STK3: variants seen among roughly 807,000 people sequenced by gnomAD.
The protein encoded by STK3 is serine/threonine kinase 3, also known as serine/threonine-protein kinase 3.
STK3 carries 41 observed loss-of-function variants against 58.0 expected under a neutral mutation model. The observed-to-expected ratio is 0.71, with a 90% confidence interval of 0.55 to 0.92. The LOEUF (loss-of-function observed/expected upper bound fraction) is 0.92. Ranked by LOEUF, STK3 falls within the 40% of genes least tolerant of loss-of-function variation. STK3 has a pLI of 0.00. For synonymous variants in STK3, 170 were observed against 191.0 expected (o/e 0.89, Z 0.91); for missense variants, 479 against 602.7 (o/e 0.79, Z 2.15).
chr8:98,367,267 G>T (rs1025193079), downstream of STK3, among the ~76,000 whole-genome samples: 3 of 152,222 alleles, frequency 2.0e-5, no homozygotes, highest in Admixed American at 6.5e-5. Flanking sequence ...GTTGCTAAAA[G>T]TTTTCTTAAA....
intron 10 of STK3, among the ~76,000 whole-genome samples, chr8:98,456,569 A>G (rs11774795): frequency 0.015 from 2,345 of 152,328 alleles, 28 homozygotes; most frequent in Non-Finnish European, 0.024. Flanking sequence ...GCCATGATCA[A>G]TTCTGGAGTA....
intron 1 of STK3, among the ~76,000 whole-genome samples, chr8:98,776,646 A>C (rs1184001449): frequency 6.6e-6 from 1 of 152,190 alleles, no homozygotes; most frequent in East Asian, 1.9e-4. Flanking sequence ...GGAACACAGT[A>C]TCTAAAGACA....
intron 1 of STK3, among the ~76,000 whole-genome samples, chr8:98,887,392 C>T (rs190582104): frequency 9.2e-5 from 14 of 152,002 alleles, no homozygotes; most frequent in Middle Eastern, 3.4e-3. Context: ...TGAAAAAATC[C>T]GAAAAAATCC....
chr8:98,418,019 C>T (rs1243334209), intron 3 of STK3, among the ~76,000 whole-genome samples: 1 of 152,158 alleles, frequency 6.6e-6, no homozygotes, highest in Non-Finnish European at 1.5e-5. Context: ...AAGCAATCCT[C>T]CTGCCTCAGG....
chr8:98,798,280 T>C (rs187632621), intron 1 of STK3, among the ~76,000 whole-genome samples: 94 of 152,328 alleles, frequency 6.2e-4, no homozygotes, highest in African/African-American at 2.2e-3. Context: ...ACGAGAATTT[T>C]CTATATTTCT....
chr8:98,547,285 A>G (rs990567229), intron 9 of STK3, among the ~76,000 whole-genome samples: 3 of 152,186 alleles, frequency 2.0e-5, no homozygotes, highest in African/African-American at 7.2e-5. Flanking sequence ...TGAAATCACA[A>G]TGACCTACGA....
chr8:98,443,223 CA>C (rs1818762812), intron 1 of STK3, among the ~76,000 whole-genome samples: 1 of 152,184 alleles, frequency 6.6e-6, no homozygotes, highest in African/African-American at 2.4e-5. Flanking sequence ...TCAGGAAATA[CA>C]GCAGTATTTG....
intron 1 of STK3, among the ~76,000 whole-genome samples, chr8:98,793,535 C>T (rs1411307891): frequency 6.6e-6 from 1 of 152,014 alleles, no homozygotes. Context: ...TCAAAACAAA[C>T]AAGCAAACAA....
chr8:98,905,030 G>GT lies in STK3; in HGVS notation c.-78-21197dup. On this transcript the variant is annotated intron_variant, in intron 1 of 1. Coordinates refer to the STK3 transcript ENST00000519420. ...AGTGGAGTGCTGCATATGCATCGTT[G>GT]TAATACCTGGATTCCCCATAGCCCA... The GT allele has an allele frequency of 1.5e-5, 13 of 876,132 alleles. No individual in the cohort carries two copies. In the South Asian group the frequency reaches 1.7e-4, roughly 11 times the overall value. The allele number at this position is 876,132 out of a possible 1,614,324, so 54.3% of individuals were successfully genotyped here.
chr8:98,360,506 A>C, the STK3 span, among the ~76,000 whole-genome samples: 1 of 148,572 alleles, frequency 6.7e-6, no homozygotes, highest in Non-Finnish European at 1.5e-5. Context: ...TTTTTGAGCC[A>C]ATTTCTTTCT....
the STK3 span, among the ~76,000 whole-genome samples, chr8:98,359,344 T>TAAAAAAA: frequency 1.1e-4 from 6 of 55,718 alleles, no homozygotes; most frequent in Admixed American, 2.0e-4. Context: ...CCATCTCAAC[T>TAAAAAAA]AAAAAAAAAA....
At chr8:98,612,384 CAT>C (rs549252617) in intron 6 of STK3, among the ~76,000 whole-genome samples, 1,542 of 147,272 alleles carry the variant, frequency 0.01, 19 homozygotes, top group African/African-American at 0.033. Context: ...TGTTTCTAAA[CAT>C]ATATATATAT....
chr8:98,866,917 A>G (rs1380106369), intron 3 of STK3, among the ~76,000 whole-genome samples: 3 of 152,052 alleles, frequency 2.0e-5, no homozygotes, highest in Non-Finnish European at 4.4e-5. Flanking sequence ...AGAATTTTGG[A>G]CTTAATACCT....
At chr8:98,614,512 G>C (rs1817494116) in intron 6 of STK3, among the ~76,000 whole-genome samples, 1 of 152,208 alleles carries the variant, frequency 6.6e-6, no homozygotes, top group Non-Finnish European at 1.5e-5. Context: ...GAGCGATGCA[G>C]AAGATGGGTG....
At chr8:98,718,439 T>C (rs996381663) in intron 4 of STK3, among the ~76,000 whole-genome samples, 1 of 152,114 alleles carries the variant, frequency 6.6e-6, no homozygotes, top group African/African-American at 2.4e-5. Flanking sequence ...TTCCAGGAAT[T>C]TATTCTCTCC....
At chr8:98,387,735 C>T (rs1294363061) in intron 1 of STK3, among the ~76,000 whole-genome samples, 1 of 152,104 alleles carries the variant, frequency 6.6e-6, no homozygotes, top group Admixed American at 6.5e-5. Flanking sequence ...GAGCGAAACT[C>T]CATGTCAAAT....
chr8:98,838,988 TTGTGTGTGTGTGTGTG>T (rs35564732), intron 3 of STK3, among the ~76,000 whole-genome samples: 4 of 144,982 alleles, frequency 2.8e-5, no homozygotes, highest in Non-Finnish European at 6.0e-5. Flanking sequence ...TTTGTTTGTT[TTGTGTGTGTGTGTGTG>T]TGTGTGTGTG....
intron 10 of STK3, among the ~76,000 whole-genome samples, chr8:98,503,133 G>A (rs1316900636): frequency 6.6e-6 from 1 of 152,032 alleles, no homozygotes; most frequent in African/African-American, 2.4e-5. Flanking sequence ...TTTTGGTCTT[G>A]GGAGCATGTA....
chr8:98,783,521 G>C (rs965195607), intron 1 of STK3, among the ~76,000 whole-genome samples: 1 of 152,188 alleles, frequency 6.6e-6, no homozygotes, highest in African/African-American at 2.4e-5. Context: ...GGAGAATCTT[G>C]CCTCTATGTT....
Sources: gnomAD v4.1 joint callset for allele counts (sites outside exome capture counted in the v4.1 genomes callset) on GRCh38, gnomAD v4.1.1 for gene constraint, MANE v1.5 for transcripts, NCBI Gene and HGNC (gene_info 2026-07-23, HGNC 2026-07-21) for gene names.